The following HNF1B variants were observed in gnomAD, a reference collection of about 807,000 sequenced individuals.
The protein encoded by HNF1B is HNF1 homeobox B.
HNF1B carries 8 observed loss-of-function variants against 61.7 expected under a neutral mutation model. That is an observed-to-expected ratio of 0.13 (90% confidence interval 0.08 to 0.23). HNF1B has a LOEUF of 0.23. Ranked by LOEUF, HNF1B falls within the 10% of genes least tolerant of loss-of-function variation. The pLI is 1.00. For synonymous variants in HNF1B, 314 were observed against 287.7 expected (o/e 1.09, Z -0.93); for missense variants, 562 against 714.5 (o/e 0.79, Z 2.43).
intron 4 of HNF1B, among the ~76,000 whole-genome samples, chr17:37,723,553 G>A (rs1395497266): frequency 3.3e-5 from 5 of 152,110 alleles, no homozygotes; most frequent in African/African-American, 1.2e-4. Context: ...CACTCAATAT[G>A]CCTTGTGGAT....
intron 2 of HNF1B, among the ~76,000 whole-genome samples, chr17:37,739,122 A>T (rs546891484): frequency 2.0e-4 from 30 of 152,144 alleles, no homozygotes; most frequent in Non-Finnish European, 3.8e-4. Flanking sequence ...TCTCTCAGGG[A>T]AGACATTTCA....
chr17:37,692,193 G>A (rs1328236681), intron 8 of HNF1B, among the ~76,000 whole-genome samples: 1 of 152,240 alleles, frequency 6.6e-6, no homozygotes, highest in Non-Finnish European at 1.5e-5. Context: ...AGAAGTCCCA[G>A]CCTGGGGTTC....
chr17:37,701,229 T>TAA, intron 6 of HNF1B, 52 bp from the exon 7 acceptor site: 1 of 1,513,248 alleles, frequency 6.6e-7, no homozygotes, highest in Non-Finnish European at 9.0e-7. Flanking sequence ...TAAGGAGAGG[T>TAA]GGATGGATGC....
chr17:37,741,866 A>G lies in HNF1B; in HGVS notation c.345-2227T>C, dbSNP rs148340840. Reference sequence around the variant, plus strand: ...AAAAAAGCCCCCAAGAACCTTATAAATAATGGCAAAACCTTTTAAGTCCGA... The same window carrying G: ...AAAAAAGCCCCCAAGAACCTTATAAGTAATGGCAAAACCTTTTAAGTCCGA... On this transcript the variant is annotated intron_variant, in intron 1 of 8. Transcript: ENST00000617811. 8.9e-3 allele frequency among the ~76,000 whole-genome samples: 1,360 copies of G among 152,328 alleles called. 28 individuals are homozygous for G. Among genetic ancestry groups the G allele is most frequent in the African/African-American group, 0.031 (1,291 of 41,574 alleles).
chr17:37,727,963 T>A (rs2147529701), intron 4 of HNF1B, among the ~76,000 whole-genome samples: 1 of 151,934 alleles, frequency 6.6e-6, no homozygotes, highest in Non-Finnish European at 1.5e-5. Flanking sequence ...CGGTGGATTT[T>A]GGGCTCTCCT....
At chr17:37,693,841 C>T (rs886704737) in intron 8 of HNF1B, among the ~76,000 whole-genome samples, 2 of 152,208 alleles carry the variant, frequency 1.3e-5, no homozygotes, top group African/African-American at 4.8e-5. Context: ...AGTGAGCTCT[C>T]GCTCAAGTTA....
chr17:37,732,878 A>T (rs1392087934), intron 3 of HNF1B, among the ~76,000 whole-genome samples: 1 of 151,450 alleles, frequency 6.6e-6, no homozygotes, highest in Non-Finnish European at 1.5e-5. Flanking sequence ...ATAGGGTTTC[A>T]CCATGTTGCC....
At chr17:37,712,737 T>C (rs2032977385) in intron 4 of HNF1B, among the ~76,000 whole-genome samples, 1 of 152,220 alleles carries the variant, frequency 6.6e-6, no homozygotes, top group African/African-American at 2.4e-5. Context: ...CTCTGTGCCT[T>C]TGTTTCCTCT....
chr17:37,731,383 G>C, intron 4 of HNF1B: 1 of 674,252 alleles, frequency 1.5e-6, no homozygotes, highest in South Asian at 1.6e-5. Flanking sequence ...AGCCGAGTGA[G>C]CCCTCACAGG....
intron 4 of HNF1B, among the ~76,000 whole-genome samples, chr17:37,723,416 G>A (rs2033389971): frequency 6.6e-6 from 1 of 151,926 alleles, no homozygotes; most frequent in Admixed American, 6.6e-5. Flanking sequence ...TGGTCATCTC[G>A]ACTTCATGAA....
chr17:37,699,873 C>G (rs545593531), intron 7 of HNF1B, among the ~76,000 whole-genome samples: 1 of 152,156 alleles, frequency 6.6e-6, no homozygotes, highest in African/African-American at 2.4e-5. Flanking sequence ...GGCTGTTCTC[C>G]CCCAAACCCA....
At chr17:37,690,322 C>T (rs1019676974) in intron 8 of HNF1B, among the ~76,000 whole-genome samples, 1 of 152,054 alleles carries the variant, frequency 6.6e-6, no homozygotes, top group Non-Finnish European at 1.5e-5. Context: ...GTGAGAACGG[C>T]GACACTGGCA....
At chr17:37,703,805 A>G (rs1227669080) in intron 6 of HNF1B, among the ~76,000 whole-genome samples, 9 of 152,204 alleles carry the variant, frequency 5.9e-5, no homozygotes, top group Admixed American at 2.6e-4. Flanking sequence ...TGTGCCTCCA[A>G]TGGGCTTAGC....
chr17:37,722,944 C>T (rs1598830197), intron 4 of HNF1B, among the ~76,000 whole-genome samples: 1 of 152,208 alleles, frequency 6.6e-6, no homozygotes, highest in South Asian at 2.1e-4. Context: ...CCAGATGCAG[C>T]CTCCACCAGG....
chr17:37,710,175 TG>T, intron 5 of HNF1B, among the ~76,000 whole-genome samples: 1 of 120,490 alleles, frequency 8.3e-6, no homozygotes, highest in Non-Finnish European at 2.0e-5. Context: ...GGGGGAGGGA[TG>T]AATGAACATT....
chr17:37,689,107 T>C (rs929377142), intron 8 of HNF1B, among the ~76,000 whole-genome samples: 1 of 139,212 alleles, frequency 7.2e-6, no homozygotes, highest in Non-Finnish European at 1.5e-5. Flanking sequence ...ATTATGCTAC[T>C]GCACTCCAGC....
At position 37,687,232 on chromosome 17, in the gene HNF1B, C is replaced by T; in HGVS notation, c.*140G>A. The T allele has an allele frequency of 7.2e-7, 1 of 1,393,232 alleles. No individual in the cohort carries two copies. The highest frequency in any genetic ancestry group is 1.0e-6 in the Non-Finnish European group (1 of 994,012). 86.3% of individuals were successfully genotyped at this position (1,393,232 alleles called of 1,614,324 possible). A position where few individuals can be genotyped will look rare whatever the true frequency, so the allele number is the denominator to read the frequency against. On this transcript the variant is annotated 3_prime_UTR_variant, in exon 9 of 9. Transcript: ENST00000617811. ...GAGAGTGGATTGTCTGAGGTGCCAG[C>T]AGGACGTCCGTCAGGTAAGCAGGGA...
Position 37,710,518 on chromosome 17 carries a change from T to C in HNF1B, c.1191A>G (p.Ser397=). Residue 397 remains serine (S), a synonymous_variant, in exon 5 of 9, where the codon TCA becomes TCG. Transcript: ENST00000617811. ...ASLDPGHNLL[S]PDGKMISVSG... ...GTGTACTCACCATTTTACCATCAGG[T>C]GAGAGGAGATTGTGGCCTGGGTCCA... 10 of 1,613,228 alleles carry C rather than the reference T, an allele frequency of 6.2e-6. No homozygotes were observed. Among genetic ancestry groups the C allele is most frequent in the Non-Finnish European group, 7.6e-6 (9 of 1,179,236 alleles).
chr17:37,714,250 C>A (rs1462202852), intron 4 of HNF1B, among the ~76,000 whole-genome samples: 1 of 152,230 alleles, frequency 6.6e-6, no homozygotes, highest in Non-Finnish European at 1.5e-5. Context: ...TTGGCACTGT[C>A]CTTGTTTAAA....
Sources: allele counts gnomAD v4.1 joint callset (sites outside exome capture counted in the v4.1 genomes callset), GRCh38; gene constraint gnomAD v4.1.1; transcripts MANE v1.5; gene names NCBI Gene and HGNC (gene_info 2026-07-23, HGNC 2026-07-21).